The following GRM8 variants were observed in gnomAD, a reference collection of about 807,000 sequenced individuals.
GRM8 encodes the protein metabotropic glutamate receptor 8.
GRM8 carries 47 observed loss-of-function variants against 87.2 expected under a neutral mutation model. That is an observed-to-expected ratio of 0.54 (90% CI 0.43 to 0.69). GRM8 has a LOEUF of 0.69. Among genes scored for constraint, GRM8 ranks in the 30% least tolerant of loss-of-function variants. The probability of loss-of-function intolerance (pLI) is 0.00; values close to 1 mark genes in which losing one functional copy is unlikely to be tolerated. For missense variants in GRM8, 1,019 were observed against 1,139.2 expected (o/e 0.89, Z 1.52); for synonymous variants, 396 against 404.5 (o/e 0.98, Z 0.25).
intron 3 of GRM8, 46 bp downstream of exon 3, chr7:127,106,450 C>A (rs1044553295): frequency 4.1e-6 from 6 of 1,457,802 alleles, no homozygotes; most frequent in Non-Finnish European, 5.8e-6. Flanking sequence ...CAGGCATCAG[C>A]AATCTGTCAC....
At chr7:127,088,932 G>A (rs1332974557) in intron 3 of GRM8, among the ~76,000 whole-genome samples, 1 of 152,164 alleles carries the variant, frequency 6.6e-6, no homozygotes, top group Admixed American at 6.5e-5. Context: ...TACAGTGGGG[G>A]CCAAGCCTTG....
At chr7:126,923,016 C>G (rs1804700959) in intron 3 of GRM8, among the ~76,000 whole-genome samples, 1 of 152,106 alleles carries the variant, frequency 6.6e-6, no homozygotes, top group South Asian at 2.1e-4. Context: ...TACCCAGTCT[C>G]AGGTATTTCT....
intron 2 of GRM8, among the ~76,000 whole-genome samples, chr7:127,161,312 C>G (rs1793102063): frequency 6.6e-6 from 1 of 152,056 alleles, no homozygotes; most frequent in African/African-American, 2.4e-5. Flanking sequence ...AAACAAGATG[C>G]ACAAAAGAGG....
chr7:127,036,300 T>C (rs539973439), intron 3 of GRM8, among the ~76,000 whole-genome samples: 2 of 152,268 alleles, frequency 1.3e-5, no homozygotes, highest in Admixed American at 1.3e-4. Context: ...GGAAGTGGGG[T>C]ATCTTTCTGT....
At chr7:126,573,379 A>AT (rs1794844706) in intron 8 of GRM8, among the ~76,000 whole-genome samples, 1 of 152,108 alleles carries the variant, frequency 6.6e-6, no homozygotes, top group Admixed American at 6.6e-5. Context: ...ATATTTTAGC[A>AT]TTTTTTAATG....
At chr7:126,607,805 G>T (rs928288302) in intron 8 of GRM8, among the ~76,000 whole-genome samples, 28 of 151,168 alleles carry the variant, frequency 1.9e-4, no homozygotes, top group African/African-American at 6.1e-4. Flanking sequence ...CCACTAACTC[G>T]TCATCTAGCA....
chr7:127,047,581 C>A (rs1294110343), intron 3 of GRM8, among the ~76,000 whole-genome samples: 1 of 152,038 alleles, frequency 6.6e-6, no homozygotes, highest in Non-Finnish European at 1.5e-5. Context: ...TATAATCCAG[C>A]ACTTTAGGAG....
chr7:126,692,669 A>G (rs1481421730), intron 7 of GRM8, among the ~76,000 whole-genome samples: 4 of 152,220 alleles, frequency 2.6e-5, no homozygotes, highest in Non-Finnish European at 1.5e-5. Context: ...ATATTGCTTA[A>G]CTGTAGAATG....
Position 126,859,925 on chromosome 7 carries a change from T to C in GRM8, c.1156+42617A>G, listed in dbSNP as rs958677302. ...AGAGTGAAAGGAAGGAATACTAACA[T>C]GTGTTAGACACGAAAATGTATCCAG... On this transcript the variant is annotated intron_variant, in intron 6 of 10. Coordinates refer to ENST00000339582, the MANE Select transcript of GRM8 (RefSeq NM_000845.3). 1.5e-4 allele frequency among the ~76,000 whole-genome samples: 23 copies of C among 152,306 alleles called. 1 individual carries two copies. Among genetic ancestry groups the C allele is most frequent in the Middle Eastern group, 6.8e-3 (2 of 294 alleles).
At chr7:126,593,524 G>T (rs1004775486) in intron 8 of GRM8, among the ~76,000 whole-genome samples, 2 of 151,986 alleles carry the variant, frequency 1.3e-5, no homozygotes, top group Non-Finnish European at 2.9e-5. Flanking sequence ...AATAACTGAT[G>T]TTGGGAAAAC....
intron 6 of GRM8, among the ~76,000 whole-genome samples, chr7:126,823,064 T>C: frequency 6.6e-6 from 1 of 152,184 alleles, no homozygotes; most frequent in East Asian, 1.9e-4. Flanking sequence ...ACTAAGCCAC[T>C]TATACATATA....
At chr7:126,610,119 C>G (rs780477663) in intron 7 of GRM8, among the ~76,000 whole-genome samples, 2 of 152,210 alleles carry the variant, frequency 1.3e-5, no homozygotes, top group Non-Finnish European at 2.9e-5. Flanking sequence ...ACAGGTCTAA[C>G]AGTGGCAGAG....
chr7:126,697,842 A>G (rs1809541248), intron 7 of GRM8, among the ~76,000 whole-genome samples: 1 of 152,158 alleles, frequency 6.6e-6, no homozygotes, highest in African/African-American at 2.4e-5. Context: ...CATCTCTTCA[A>G]CCTTCAGGTG....
intron 8 of GRM8, among the ~76,000 whole-genome samples, chr7:126,549,202 T>C (rs1338891060): frequency 6.6e-6 from 1 of 152,050 alleles, no homozygotes; most frequent in Admixed American, 6.6e-5. Flanking sequence ...ATGATTAACA[T>C]TTCTGATGGG....
chr7:126,749,044 C>T (rs1185667597), intron 7 of GRM8, among the ~76,000 whole-genome samples: 2 of 152,040 alleles, frequency 1.3e-5, no homozygotes, highest in Non-Finnish European at 2.9e-5. Context: ...GAGGCCAAGG[C>T]GGGTGGATCA....
In GRM8 at chr7:126,727,059, T is replaced by C. The variant is rs192070865; in HGVS notation, c.1357+42806A>G. 1.2e-3 allele frequency among the ~76,000 whole-genome samples: 183 copies of C among 152,168 alleles called. 1 individual carries two copies. Among genetic ancestry groups the C allele is most frequent in the South Asian group, 5.0e-3 (24 of 4,828 alleles). On this transcript the variant is annotated intron_variant, in intron 7 of 10. Coordinates refer to ENST00000339582, the MANE Select transcript of GRM8 (RefSeq NM_000845.3). ...CTGCATAACTTTTTCATAAATTCTA[T>C]ACATACTTACGTGTATTTAATCATA...
chr7:126,581,366 C>T (rs933059526), intron 8 of GRM8, among the ~76,000 whole-genome samples: 1 of 151,970 alleles, frequency 6.6e-6, no homozygotes, highest in African/African-American at 2.4e-5. Flanking sequence ...TCATGGAATG[C>T]CCAGTAATTG....
chr7:127,161,593 A>C (rs138572414), intron 2 of GRM8, among the ~76,000 whole-genome samples: 10 of 152,330 alleles, frequency 6.6e-5, no homozygotes, highest in Non-Finnish European at 8.8e-5. Flanking sequence ...TGTGTACAGT[A>C]GAGCTGCTGA....
In GRM8 at chr7:126,704,031, G is replaced by C. The variant is rs572269020; in HGVS notation, c.1357+65834C>G. Among the ~76,000 whole-genome samples, 61 of 152,228 alleles carry C rather than the reference G, an allele frequency of 4.0e-4. No individual in the cohort carries two copies. The South Asian group carries it at 0.012, about 31-fold the overall frequency. ...ACCTATACTACCAGCAAATGATTAAGTCAGACTGTCAGGACGTCTACAACC... is the reference window on the plus strand; with the variant it reads ...ACCTATACTACCAGCAAATGATTAACTCAGACTGTCAGGACGTCTACAACC... On this transcript the variant is annotated intron_variant, in intron 7 of 10. Transcript: ENST00000339582.
Sources: allele counts gnomAD v4.1 joint callset (sites outside exome capture counted in the v4.1 genomes callset), GRCh38; gene constraint gnomAD v4.1.1; transcripts MANE v1.5; gene names NCBI Gene and HGNC (gene_info 2026-07-23, HGNC 2026-07-21).